GABRG3: variants seen among roughly 807,000 people sequenced by gnomAD.
GABRG3 encodes gamma-aminobutyric acid type A receptor subunit gamma3.
GABRG3 carries 25 observed loss-of-function variants against 48.8 expected under a neutral mutation model. The observed-to-expected ratio is 0.51, with a 90% confidence interval of 0.37 to 0.72. The LOEUF is 0.72. GABRG3 is among the 30% of genes least tolerant of loss of function. The probability of loss-of-function intolerance (pLI) is 0.00; values close to 1 mark genes in which losing one functional copy is unlikely to be tolerated. For missense variants in GABRG3, 394 were observed against 577.9 expected (o/e 0.68, Z 3.26); for synonymous variants, 227 against 217.6 (o/e 1.04, Z -0.38).
intron 3 of GABRG3, among the ~76,000 whole-genome samples, chr15:27,325,947 C>T (rs1429729013): frequency 6.6e-6 from 1 of 152,138 alleles, no homozygotes; most frequent in Non-Finnish European, 1.5e-5. Flanking sequence ...ATAAAAATCC[C>T]TTACAATCAG....
chr15:27,464,730 T>C (rs1889551294), intron 5 of GABRG3, among the ~76,000 whole-genome samples: 1 of 152,238 alleles, frequency 6.6e-6, no homozygotes, highest in Admixed American at 6.5e-5. Context: ...CATCTTTTCA[T>C]GCACTTATTA....
intron 5 of GABRG3, among the ~76,000 whole-genome samples, chr15:27,429,974 T>C (rs1888402733): frequency 6.6e-6 from 1 of 152,226 alleles, no homozygotes; most frequent in Non-Finnish European, 1.5e-5. Flanking sequence ...TATGTCTACA[T>C]TTTGAGAAAT....
chr15:27,231,400 A>G (rs530195029), intron 3 of GABRG3, among the ~76,000 whole-genome samples: 21 of 152,198 alleles, frequency 1.4e-4, no homozygotes, highest in Non-Finnish European at 2.5e-4. Context: ...TTTGCAGAAC[A>G]AAGCTTGAAG....
intron 5 of GABRG3, among the ~76,000 whole-genome samples, chr15:27,329,418 C>T (rs1893730990): frequency 6.6e-6 from 1 of 152,120 alleles, no homozygotes; most frequent in Non-Finnish European, 1.5e-5. Context: ...GCACGTGCTA[C>T]CACACCCAGC....
intron 2 of GABRG3, among the ~76,000 whole-genome samples, chr15:27,014,878 C>G (rs141793575): frequency 9.2e-5 from 14 of 152,282 alleles, no homozygotes; most frequent in Non-Finnish European, 1.8e-4. Flanking sequence ...AAGTCTCCTA[C>G]TATTATCGTG....
At chr15:27,199,830 A>G (rs908254739) in intron 3 of GABRG3, among the ~76,000 whole-genome samples, 1 of 152,086 alleles carries the variant, frequency 6.6e-6, no homozygotes, top group Non-Finnish European at 1.5e-5. Flanking sequence ...CTTACCCTTT[A>G]AATTTTTGTG....
chr15:27,308,487 AACAT>A (rs940099322), intron 3 of GABRG3, among the ~76,000 whole-genome samples: 85 of 148,208 alleles, frequency 5.7e-4, no homozygotes, highest in South Asian at 2.2e-4. Context: ...ATATAATGTA[AACAT>A]ACATGTTTTA....
chr15:27,521,783 A>G (rs1252196306), intron 7 of GABRG3, among the ~76,000 whole-genome samples: 1 of 152,014 alleles, frequency 6.6e-6, no homozygotes, highest in Non-Finnish European at 1.5e-5. Context: ...TATAAAATTG[A>G]AGACCACCAG....
chr15:27,532,718 G>T lies in GABRG3; in HGVS notation c.1241G>T (p.Cys414Phe), dbSNP rs1595816249. 4 of 1,614,054 alleles carry T rather than the reference G, an allele frequency of 2.5e-6. No individual in the cohort carries two copies. Among genetic ancestry groups the T allele is most frequent in the Non-Finnish European group, 3.4e-6 (4 of 1,179,894 alleles). Residue 414 changes from cysteine to phenylalanine, a missense_variant, in exon 10 of 10, where the codon TGT (cysteine) becomes TTT (phenylalanine). By Grantham distance (205) the Cys-to-Phe change is radical. This residue lies in a region of GABRG3 where 126 missense variants were observed against 155.5 expected (regional missense o/e 0.81). Coordinates refer to ENST00000615808, the MANE Select transcript of GABRG3 (RefSeq NM_033223.5). ...CVYECLDGKD[C>F]QSFFCCYEEC... The stretch of plus-strand genomic sequence containing the variant: ...TATGAGTGTCTGGATGGCAAAGACT[G>T]TCAGAGCTTCTTCTGCTGCTATGAA...
intron 3 of GABRG3, among the ~76,000 whole-genome samples, chr15:27,251,763 G>A (rs1053995325): frequency 6.6e-6 from 1 of 152,176 alleles, no homozygotes; most frequent in African/African-American, 2.4e-5. Context: ...TTCTGTAGGG[G>A]GAAATGCAGG....
chr15:26,990,181 G>T lies in GABRG3; in HGVS notation c.202+13031G>T, dbSNP rs898509911. ...GGATCATATGGCAGCTTTGTTTATA[G>T]TTTTTTGAAACACTTCCAAAATGTT... is the stretch of plus-strand genomic sequence containing the variant. On this transcript the variant is annotated intron_variant, in intron 2 of 9. Transcript: ENST00000615808. Among the ~76,000 whole-genome samples the T allele has an allele frequency of 1.3e-4, 20 of 152,208 alleles. No homozygotes were observed. The East Asian group carries it at 3.9e-3, about 29-fold the overall frequency.
intron 5 of GABRG3, among the ~76,000 whole-genome samples, chr15:27,355,081 CGGCAGCT>C (rs1353725854): frequency 6.6e-6 from 1 of 152,098 alleles, no homozygotes; most frequent in Non-Finnish European, 1.5e-5. Flanking sequence ...TGGCCATTGC[CGGCAGCT>C]AAAGGCCTGT....
At chr15:27,090,925 C>G (rs922735256) in intron 3 of GABRG3, among the ~76,000 whole-genome samples, 2 of 152,140 alleles carry the variant, frequency 1.3e-5, no homozygotes, top group African/African-American at 2.4e-5. Flanking sequence ...ATATTTTATA[C>G]ATATAAGGGT....
At chr15:27,216,746 T>A (rs201413187) in intron 3 of GABRG3, among the ~76,000 whole-genome samples, 8 of 115,578 alleles carry the variant, frequency 6.9e-5, no homozygotes, top group Non-Finnish European at 1.0e-4. Context: ...TTTTTTTTTT[T>A]ATTTTTTATT....
At chr15:27,290,356 C>A (rs1891755763) in intron 3 of GABRG3, among the ~76,000 whole-genome samples, 1 of 151,642 alleles carries the variant, frequency 6.6e-6, no homozygotes, top group South Asian at 2.1e-4. Flanking sequence ...TCCACACACA[C>A]AATTGAGTGT....
At chr15:26,980,828 G>A (rs1486019353) in intron 2 of GABRG3, among the ~76,000 whole-genome samples, 1 of 151,514 alleles carries the variant, frequency 6.6e-6, no homozygotes, top group East Asian at 1.9e-4. Flanking sequence ...TCAGTTAAAT[G>A]TATTTTTTAA....
intron 3 of GABRG3, among the ~76,000 whole-genome samples, chr15:27,287,111 A>C (rs559280680): frequency 6.6e-6 from 1 of 152,304 alleles, no homozygotes; most frequent in East Asian, 1.9e-4. Context: ...TTCGAAAATG[A>C]GGTGTTGAAG....
At chr15:27,276,079 C>G (rs1047451180) in intron 3 of GABRG3, among the ~76,000 whole-genome samples, 12 of 152,278 alleles carry the variant, frequency 7.9e-5, no homozygotes, top group African/African-American at 2.4e-4. Context: ...AAAGGCTGTT[C>G]ATTCAGAGTT....
chr15:27,011,617 G>T (rs575933234), intron 2 of GABRG3, among the ~76,000 whole-genome samples: 1 of 152,226 alleles, frequency 6.6e-6, no homozygotes, highest in Admixed American at 6.5e-5. Context: ...GGAGGCTGAG[G>T]CAGGCGGATC....
Sources: gnomAD v4.1 joint callset for allele counts (sites outside exome capture counted in the v4.1 genomes callset) on GRCh38, gnomAD v4.1.1 for gene constraint, gnomAD v4.1.1 regional missense constraint, MANE v1.5 for transcripts, NCBI Gene and HGNC (gene_info 2026-07-23, HGNC 2026-07-21) for gene names.